Variants in SUGCT observed in about 807,000 individuals in gnomAD.
The protein encoded by SUGCT is succinyl-CoA:glutarate-CoA transferase.
Under a neutral mutation model 55.0 loss-of-function variants are expected in SUGCT, and 41 were observed. The observed-to-expected ratio is 0.74, with a 90% CI of 0.58 to 0.97. The LOEUF is 0.97. Ranked by LOEUF, SUGCT falls within the 50% of genes least tolerant of loss-of-function variation. The pLI is 0.00. For synonymous variants in SUGCT, 187 were observed against 200.4 expected (o/e 0.93, Z 0.56); for missense variants, 568 against 547.8 (o/e 1.04, Z -0.37).
At chr7:40,972,190 C>G in the SUGCT span, among the ~76,000 whole-genome samples, 1 of 152,088 alleles carries the variant, frequency 6.6e-6, no homozygotes, top group African/African-American at 2.4e-5. Flanking sequence ...AAATATACAT[C>G]CCGAAGCCAT....
intron 12 of SUGCT, among the ~76,000 whole-genome samples, chr7:40,725,608 C>T (rs190556904): frequency 6.6e-6 from 1 of 150,524 alleles, no homozygotes; most frequent in African/African-American, 2.4e-5. Flanking sequence ...TCTCTTTTAA[C>T]TATTCAAATT....
intron 12 of SUGCT, among the ~76,000 whole-genome samples, chr7:40,633,063 A>C (rs892863359): frequency 6.6e-6 from 1 of 152,218 alleles, no homozygotes; most frequent in African/African-American, 2.4e-5. Context: ...TAGCTTCAAA[A>C]ACTATGACAG....
chr7:40,390,478 C>T (rs1449638432), intron 9 of SUGCT, among the ~76,000 whole-genome samples: 1 of 152,248 alleles, frequency 6.6e-6, no homozygotes, highest in East Asian at 1.9e-4. Flanking sequence ...ACAGGCATTC[C>T]TATACACTGA....
intron 9 of SUGCT, among the ~76,000 whole-genome samples, chr7:40,361,279 AAG>A (rs1051537048): frequency 2.0e-5 from 3 of 152,098 alleles, no homozygotes; most frequent in Non-Finnish European, 4.4e-5. Flanking sequence ...AGCCCTCAAA[AAG>A]AGAGAAAATT....
intron 8 of SUGCT, among the ~76,000 whole-genome samples, chr7:40,292,585 T>C (rs190759950): frequency 6.6e-6 from 1 of 152,342 alleles, no homozygotes; most frequent in East Asian, 1.9e-4. Context: ...TCTATTGAAC[T>C]CAAGCCAGGT....
intron 1 of SUGCT, among the ~76,000 whole-genome samples, chr7:40,174,446 A>G (rs756468591): frequency 2.6e-5 from 4 of 152,314 alleles, no homozygotes; most frequent in Non-Finnish European, 5.9e-5. Flanking sequence ...TTTATTATAT[A>G]TAGTGTTATT....
In SUGCT at chr7:40,420,511, G is replaced by A. The variant is rs575688542; in HGVS notation, c.817-28776G>A. ...CCGCCACCATGCCCAGCTAATTTTT[G>A]TATTTTTAGTAGAGACAACGTTTCA... On this transcript the variant is annotated intron_variant, in intron 9 of 13. Coordinates refer to ENST00000335693, the MANE Select transcript of SUGCT (RefSeq NM_001193313.2). Among the ~76,000 whole-genome samples the A allele has an allele frequency of 7.9e-5, 12 of 152,062 alleles. No individual in the cohort carries two copies. In the East Asian group the frequency reaches 9.7e-4, roughly 12 times the overall value.
chr7:40,805,758 T>C (rs1464604910), intron 13 of SUGCT, among the ~76,000 whole-genome samples: 1 of 152,194 alleles, frequency 6.6e-6, no homozygotes, highest in Non-Finnish European at 1.5e-5. Flanking sequence ...ACAAAGACAT[T>C]GAGATTGCCT....
intron 13 of SUGCT, among the ~76,000 whole-genome samples, chr7:40,780,159 G>C (rs1319226443): frequency 3.3e-5 from 5 of 152,168 alleles, no homozygotes; most frequent in Non-Finnish European, 7.3e-5. Context: ...CCCTACAAGT[G>C]TAGTTCTCTA....
chr7:40,150,759 C>T (rs997398933), intron 1 of SUGCT, among the ~76,000 whole-genome samples: 2 of 152,204 alleles, frequency 1.3e-5, no homozygotes, highest in Non-Finnish European at 2.9e-5. Flanking sequence ...TCCGGTCTTC[C>T]GCTCAGCCAG....
intron 12 of SUGCT, among the ~76,000 whole-genome samples, chr7:40,526,146 T>C (rs981914454): frequency 5.3e-5 from 8 of 152,220 alleles, no homozygotes; most frequent in Admixed American, 5.2e-4. Flanking sequence ...TTTTTGCCTC[T>C]GTTGCCATTG....
At chr7:40,936,597 A>G in the SUGCT span, among the ~76,000 whole-genome samples, 9 of 151,286 alleles carry the variant, frequency 5.9e-5, no homozygotes, top group Non-Finnish European at 1.0e-4. Context: ...TCTCTATTTC[A>G]TGTATTTAGG....
At chr7:40,147,813 A>AC (rs1299960811) in intron 1 of SUGCT, among the ~76,000 whole-genome samples, 3 of 152,090 alleles carry the variant, frequency 2.0e-5, no homozygotes, top group Non-Finnish European at 2.9e-5. Context: ...ATCACAGGAG[A>AC]CCCCCCAAAT....
intron 5 of SUGCT, 118 bp downstream of exon 5, chr7:40,189,712 T>C: frequency 2.7e-6 from 1 of 369,468 alleles, no homozygotes; most frequent in East Asian, 5.3e-5. Context: ...TTGCAACAAA[T>C]ACCTTTTAAG....
the SUGCT span, among the ~76,000 whole-genome samples, chr7:40,972,568 G>A: frequency 6.6e-6 from 1 of 152,212 alleles, no homozygotes; most frequent in African/African-American, 2.4e-5. Flanking sequence ...TGAGCTTAGG[G>A]AATCTACTTC....
At chr7:40,684,079 C>T in intron 12 of SUGCT, 1 of 1,612,386 alleles carries the variant, frequency 6.2e-7, no homozygotes, top group South Asian at 1.1e-5. Flanking sequence ...GCTTCCAAAG[C>T]CTGCTGCATT....
intron 12 of SUGCT, among the ~76,000 whole-genome samples, chr7:40,679,154 G>T (rs1217351415): frequency 3.3e-5 from 5 of 152,150 alleles, no homozygotes. Context: ...AAACGTCTCT[G>T]TAGTATGTCT....
At chr7:40,429,668 C>T (rs556440449) in intron 9 of SUGCT, among the ~76,000 whole-genome samples, 2 of 152,326 alleles carry the variant, frequency 1.3e-5, no homozygotes, top group East Asian at 3.9e-4. Flanking sequence ...ATCCTAGCCA[C>T]GCTGGCAGCT....
At chr7:40,823,700 T>G (rs1407931133) in intron 13 of SUGCT, among the ~76,000 whole-genome samples, 1 of 152,082 alleles carries the variant, frequency 6.6e-6, no homozygotes, top group Non-Finnish European at 1.5e-5. Flanking sequence ...TTCCTTCTCC[T>G]TTTTTGAGAA....
Sources: gnomAD v4.1 joint callset for allele counts (sites outside exome capture counted in the v4.1 genomes callset) on GRCh38, gnomAD v4.1.1 for gene constraint, MANE v1.5 for transcripts, NCBI Gene and HGNC (gene_info 2026-07-23, HGNC 2026-07-21) for gene names.